Variants in BET1L observed in about 807,000 individuals in gnomAD.
BET1L encodes the protein BET1-like protein.
Under a neutral mutation model 12.6 loss-of-function variants are expected in BET1L, and 13 were observed. That is an observed-to-expected ratio of 1.03 (90% CI 0.67 to 1.64). The LOEUF is 1.64. BET1L is among the 40% of genes most tolerant of loss of function. The probability of loss-of-function intolerance (pLI) is 0.00; values close to 1 mark genes in which losing one functional copy is unlikely to be tolerated. For missense variants in BET1L, 154 were observed against 150.7 expected (o/e 1.02, Z -0.11); for synonymous variants, 60 against 56.9 (o/e 1.05, Z -0.25).
rs1475860204 is a variant in BET1L at position 203,044 on chromosome 11, C to T, written c.*2258G>A. The T allele has an allele frequency of 6.6e-6, 1 of 152,246 alleles. No individual in the cohort carries two copies. The highest frequency in any genetic ancestry group is 2.4e-5 in the African/African-American group (1 of 41,442). 9.4% of individuals were successfully genotyped at this position (152,246 alleles called of 1,614,324 possible). A position where few individuals can be genotyped will look rare whatever the true frequency, so the allele number is the denominator to read the frequency against. On this transcript the variant is annotated 3_prime_UTR_variant, in exon 4 of 4. Transcript: ENST00000382762. ...TGGCAGAGTAGGTAACCCTGGCTCT[C>T]ACACTGAGCCCCCAAGAGTCCTTTT...
Position 202,936 on chromosome 11 carries a change from G to A in BET1L, c.*2366C>T, listed in dbSNP as rs1017685547. 6.6e-6 allele frequency: 1 copy of A among 152,286 alleles called. No individual in the cohort carries two copies. The highest frequency in any genetic ancestry group is 2.4e-5 in the African/African-American group (1 of 41,456). 9.4% of individuals were successfully genotyped at this position (152,286 alleles called of 1,614,324 possible). On this transcript the variant is annotated 3_prime_UTR_variant, in exon 4 of 4. Coordinates refer to ENST00000382762, the MANE Select transcript of BET1L (RefSeq NM_001098787.2). ...AGAGACCATATGATTAGTTCTTCAT[G>A]AGGTTATGTTTACTACAAATTTTTA...
chr11:206,807 A>G (rs1283858153), intron 1 of BET1L, among the ~76,000 whole-genome samples: 1 of 152,190 alleles, frequency 6.6e-6, no homozygotes, highest in East Asian at 1.9e-4. Context: ...GCCACTTCAT[A>G]TTTATAAATT....
At chr11:207,187 T>G (rs1391843518) in intron 1 of BET1L, 116 bp downstream of exon 1, 2 of 1,337,948 alleles carry the variant, frequency 1.5e-6, no homozygotes, top group East Asian at 5.8e-5. Flanking sequence ...CCTGACAGGG[T>G]CCTCTCGGCC....
intron 2 of BET1L, 74 bp from the exon 3 acceptor site, chr11:205,741 G>C: frequency 2.6e-6 from 4 of 1,542,792 alleles, no homozygotes; most frequent in Non-Finnish European, 3.5e-6. Context: ...CCCCAGACCA[G>C]ATAAACCCTG....
Sources: gnomAD v4.1 joint callset for allele counts (sites outside exome capture counted in the v4.1 genomes callset) on GRCh38, gnomAD v4.1.1 for gene constraint, MANE v1.5 for transcripts, NCBI Gene and HGNC (gene_info 2026-07-23, HGNC 2026-07-21) for gene names.